Variants in LIN7A observed in about 807,000 individuals in gnomAD.
LIN7A encodes lin-7 cell polarity scaffold A.
LIN7A carries 25 observed loss-of-function variants against 29.8 expected under a neutral mutation model. The ratio of observed to expected loss-of-function variants is 0.84; its 90% CI spans 0.61 to 1.17. The LOEUF is 1.17. Ranked by LOEUF, LIN7A falls within the 50% of genes most tolerant of loss-of-function variation. The probability of loss-of-function intolerance (pLI) is 0.00; values close to 1 mark genes in which losing one functional copy is unlikely to be tolerated. For missense variants in LIN7A, 239 were observed against 287.0 expected (o/e 0.83, Z 1.21); for synonymous variants, 118 against 107.5 (o/e 1.10, Z -0.60).
chr12:80,837,128 G>A (rs916246569), intron 4 of LIN7A, among the ~76,000 whole-genome samples: 1 of 152,064 alleles, frequency 6.6e-6, no homozygotes, highest in African/African-American at 2.4e-5. Context: ...GCTGTTTTGA[G>A]ACTAGAAAAC....
chr12:80,798,240 T>C (rs972410490), intron 5 of LIN7A, among the ~76,000 whole-genome samples: 3 of 152,214 alleles, frequency 2.0e-5, no homozygotes, highest in Non-Finnish European at 4.4e-5. Flanking sequence ...TGGTCAGAGT[T>C]TGGGGAGCAG....
At chr12:80,875,176 T>C (rs552745769) in intron 2 of LIN7A, among the ~76,000 whole-genome samples, 4 of 152,334 alleles carry the variant, frequency 2.6e-5, no homozygotes, top group African/African-American at 9.6e-5. Flanking sequence ...TTAAACTTTC[T>C]GTATCTTATT....
At chr12:80,860,469 A>G (rs1873808635) in intron 2 of LIN7A, among the ~76,000 whole-genome samples, 1 of 152,236 alleles carries the variant, frequency 6.6e-6, no homozygotes, top group African/African-American at 2.4e-5. Flanking sequence ...TGCTTCAAGC[A>G]ACAGAGTTAC....
At chr12:80,823,333 A>T (rs1280735945) in intron 4 of LIN7A, among the ~76,000 whole-genome samples, 1 of 152,154 alleles carries the variant, frequency 6.6e-6, no homozygotes, top group African/African-American at 2.4e-5. Context: ...CAGGGTTGTG[A>T]CACCCTCTTT....
intron 1 of LIN7A, among the ~76,000 whole-genome samples, chr12:80,892,034 ACT>A (rs1407546668): frequency 6.6e-6 from 1 of 152,054 alleles, no homozygotes; most frequent in South Asian, 2.1e-4. Context: ...GTCTTCCCTG[ACT>A]CTCTGAAGCA....
At chr12:80,820,104 A>G (rs1264265099) in intron 4 of LIN7A, among the ~76,000 whole-genome samples, 3 of 152,190 alleles carry the variant, frequency 2.0e-5, no homozygotes. Flanking sequence ...ACAAATGATC[A>G]TTAGTTATTC....
intron 1 of LIN7A, among the ~76,000 whole-genome samples, chr12:80,920,201 G>A (rs531871399): frequency 1.1e-4 from 16 of 152,270 alleles, no homozygotes; most frequent in South Asian, 4.2e-4. Context: ...GAGCGTGGCG[G>A]TGCTCCAATA....
At chr12:80,876,783 T>C (rs1874724879) in intron 2 of LIN7A, among the ~76,000 whole-genome samples, 1 of 152,202 alleles carries the variant, frequency 6.6e-6, no homozygotes, top group African/African-American at 2.4e-5. Flanking sequence ...AGTGTATAAA[T>C]TGGACTAATC....
chr12:80,812,076 A>G (rs933838010), intron 4 of LIN7A, among the ~76,000 whole-genome samples: 2 of 152,194 alleles, frequency 1.3e-5, no homozygotes, highest in African/African-American at 2.4e-5. Context: ...TTTATTAAGA[A>G]TCTACAATGA....
chr12:80,825,384 T>A (rs2121524680), intron 4 of LIN7A, among the ~76,000 whole-genome samples: 1 of 152,308 alleles, frequency 6.6e-6, no homozygotes, highest in Admixed American at 6.5e-5. Context: ...TGGTTTAAAA[T>A]GTGAAACTAG....
intron 2 of LIN7A, among the ~76,000 whole-genome samples, chr12:80,868,632 T>C (rs1287061543): frequency 6.6e-6 from 1 of 152,178 alleles, no homozygotes; most frequent in Non-Finnish European, 1.5e-5. Flanking sequence ...CTGCAGGACT[T>C]AAATCTTTTC....
intron 4 of LIN7A, among the ~76,000 whole-genome samples, chr12:80,837,078 T>C (rs1872617140): frequency 1.3e-5 from 2 of 152,110 alleles, no homozygotes; most frequent in South Asian, 4.1e-4. Context: ...AGAACTTGCA[T>C]TGTCAGAACT....
At chr12:80,849,070 G>A (rs1268387084) in intron 2 of LIN7A, among the ~76,000 whole-genome samples, 1 of 152,090 alleles carries the variant, frequency 6.6e-6, no homozygotes. Flanking sequence ...TCTTTCCCAG[G>A]TGACATGGTT....
chr12:80,885,422 C>T (rs1433434291), intron 2 of LIN7A, among the ~76,000 whole-genome samples: 2 of 152,140 alleles, frequency 1.3e-5, no homozygotes, highest in African/African-American at 4.8e-5. Flanking sequence ...CAGCACATCT[C>T]ATTATAGAAA....
At chr12:80,917,465 A>G (rs1009182062) in intron 1 of LIN7A, among the ~76,000 whole-genome samples, 5 of 152,218 alleles carry the variant, frequency 3.3e-5, no homozygotes, top group African/African-American at 9.6e-5. Context: ...AAATAAGGCT[A>G]TAGCATCAGT....
At chr12:80,837,124 T>C (rs1435869240) in intron 4 of LIN7A, among the ~76,000 whole-genome samples, 1 of 152,106 alleles carries the variant, frequency 6.6e-6, no homozygotes, top group Non-Finnish European at 1.5e-5. Flanking sequence ...GTGTGCTGTT[T>C]TGAGACTAGA....
rs1340237919 is a variant in LIN7A, at chr12:80,937,065, G to C, written c.82+576C>G. ...TGCCTTGCCCTTTCGGCAGAGGGCA[G>C]CTCCCTGCCTGCTGCAGCCCCGCCA... On this transcript the variant is annotated intron_variant, in intron 1 of 5. Coordinates refer to ENST00000552864, the MANE Select transcript of LIN7A (RefSeq NM_004664.4). 3 of 152,540 alleles carry C rather than the reference G, an allele frequency of 2.0e-5. No individual in the cohort carries two copies. In the South Asian group the frequency reaches 6.2e-4, roughly 32 times the overall value. The allele number at this position is 152,540 out of a possible 1,614,324, so 9.4% of individuals were successfully genotyped here. A position where few individuals can be genotyped will look rare whatever the true frequency, so the allele number is the denominator to read the frequency against.
intron 5 of LIN7A, among the ~76,000 whole-genome samples, chr12:80,806,428 A>T (rs1457499454): frequency 6.6e-6 from 1 of 152,220 alleles, no homozygotes; most frequent in African/African-American, 2.4e-5. Flanking sequence ...AAAAGTAAGC[A>T]TAAGAGAAAA....
intron 1 of LIN7A, among the ~76,000 whole-genome samples, chr12:80,932,528 A>G (rs970856744): frequency 1.3e-5 from 2 of 152,242 alleles, no homozygotes; most frequent in African/African-American, 4.8e-5. Flanking sequence ...GTAAGCATTT[A>G]AATGCAGATT....
Sources: allele counts gnomAD v4.1 joint callset (sites outside exome capture counted in the v4.1 genomes callset), GRCh38; gene constraint gnomAD v4.1.1; transcripts MANE v1.5; gene names NCBI Gene and HGNC (gene_info 2026-07-23, HGNC 2026-07-21).